TIAM1: variants seen among roughly 807,000 people sequenced by gnomAD.
The protein encoded by TIAM1 is TIAM Rac1 associated GEF 1, also known as rho guanine nucleotide exchange factor TIAM1.
Under a neutral mutation model 163.5 loss-of-function variants are expected in TIAM1, and 65 were observed. That is an observed-to-expected ratio of 0.40 (90% CI 0.33 to 0.49). The LOEUF (loss-of-function observed/expected upper bound fraction) is 0.49, where lower values mean the gene tolerates loss of function less well. TIAM1 is among the 20% of genes least tolerant of loss of function. The pLI is 0.77. For missense variants in TIAM1, 1,789 were observed against 2,044.7 expected (o/e 0.87, Z 2.41); for synonymous variants, 833 against 810.1 (o/e 1.03, Z -0.48).
At chr21:31,314,776 C>T (rs2075048049) in intron 2 of TIAM1, among the ~76,000 whole-genome samples, 1 of 152,122 alleles carries the variant, frequency 6.6e-6, no homozygotes, top group South Asian at 2.1e-4. Context: ...GTAGGGGTCA[C>T]ACAGACTTGC....
intron 2 of TIAM1, among the ~76,000 whole-genome samples, chr21:31,459,156 G>A (rs953657541): frequency 6.6e-6 from 1 of 152,284 alleles, no homozygotes; most frequent in East Asian, 1.9e-4. Flanking sequence ...GTCTTGTTCT[G>A]TCACCCAGGC....
At chr21:31,420,671 GAGT>G (rs370851646) in intron 2 of TIAM1, among the ~76,000 whole-genome samples, 2 of 152,286 alleles carry the variant, frequency 1.3e-5, no homozygotes, top group African/African-American at 4.8e-5. Flanking sequence ...TTGTCCAGCA[GAGT>G]AGAATTGCTT....
intron 2 of TIAM1, among the ~76,000 whole-genome samples, chr21:31,349,898 G>A (rs114850222): frequency 0.016 from 2,472 of 152,294 alleles, 70 homozygotes; most frequent in African/African-American, 0.055. Context: ...GGAATGCATG[G>A]GTTAACAGGC....
At chr21:31,430,225 A>ATATATAT (rs1177898443) in intron 2 of TIAM1, among the ~76,000 whole-genome samples, 2 of 90,278 alleles carry the variant, frequency 2.2e-5, no homozygotes, top group African/African-American at 5.8e-5. Context: ...AAAAAAAAAA[A>ATATATAT]ATATATATAT....
chr21:31,384,020 G>A (rs1244036413), intron 2 of TIAM1, among the ~76,000 whole-genome samples: 1 of 152,090 alleles, frequency 6.6e-6, no homozygotes, highest in Non-Finnish European at 1.5e-5. Context: ...CACCTCAGGA[G>A]CAATGCAAAT....
chr21:31,240,856 G>T (rs1181247403), intron 6 of TIAM1, among the ~76,000 whole-genome samples: 4 of 152,142 alleles, frequency 2.6e-5, no homozygotes, highest in Admixed American at 2.6e-4. Flanking sequence ...AATCTGGAAG[G>T]TCACTGATAC....
intron 16 of TIAM1, among the ~76,000 whole-genome samples, chr21:31,164,240 A>G (rs1156849897): frequency 6.6e-6 from 1 of 152,142 alleles, no homozygotes; most frequent in African/African-American, 2.4e-5. Context: ...AATACAAAAA[A>G]TTAGCAGGGC....
At chr21:31,443,081 T>C (rs1029113739) in intron 2 of TIAM1, among the ~76,000 whole-genome samples, 3 of 152,216 alleles carry the variant, frequency 2.0e-5, no homozygotes, top group Admixed American at 1.3e-4. Flanking sequence ...CGTATCTGCC[T>C]GAGAAGTAGA....
At chr21:31,258,003 C>T (rs2072220370) in intron 4 of TIAM1, among the ~76,000 whole-genome samples, 1 of 151,472 alleles carries the variant, frequency 6.6e-6, no homozygotes. Flanking sequence ...CCCCTCCTCT[C>T]CTTCCAAGTC....
At chr21:31,421,887 G>A (rs1330171353) in intron 2 of TIAM1, among the ~76,000 whole-genome samples, 1 of 152,116 alleles carries the variant, frequency 6.6e-6, no homozygotes, top group Non-Finnish European at 1.5e-5. Context: ...CTACTCGCGA[G>A]GCTGAAGCAG....
At chr21:31,338,131 A>T (rs549361585) in intron 2 of TIAM1, among the ~76,000 whole-genome samples, 3 of 152,302 alleles carry the variant, frequency 2.0e-5, no homozygotes, top group African/African-American at 7.2e-5. Flanking sequence ...CACTGTGTAC[A>T]TGCGGAGAAA....
chr21:31,304,777 C>A (rs1249303061), intron 2 of TIAM1, among the ~76,000 whole-genome samples: 1 of 152,196 alleles, frequency 6.6e-6, no homozygotes, highest in Non-Finnish European at 1.5e-5. Context: ...ACTGCAACCT[C>A]CGCCTCCTGG....
rs200697882 is a variant in TIAM1 at position 31,266,946 on chromosome 21, T to C, written c.27A>G (p.Val9=). 986 of 1,608,270 alleles carry C rather than the reference T, an allele frequency of 6.1e-4. 8 individuals carry two copies. The South Asian group carries it at 0.01, about 16-fold the overall frequency. The change falls in exon 4 of 28, where the codon GTA becomes GTG. Residue 9 remains valine (V), a synonymous_variant. Transcript: ENST00000541036. The stretch of plus-strand genomic sequence containing the variant: ...GCTTTTCTCCATAAAACTCGTGCTC[T>C]ACATGTTGACTTTCTGCGTTTCCCA... MGNAESQH[V]EHEFYGEKHA...
rs562502847 is a variant in TIAM1, at chr21:31,431,106, T to C, written c.-369+32877A>G. ...CTTCTGCATGTATGGGTCTCCTGGC[T>C]TGAAAATGCTTTCCTTCTCCCCCTT... On this transcript the variant is annotated intron_variant, in intron 2 of 28. Coordinates refer to the TIAM1 transcript ENST00000286827. Among the ~76,000 whole-genome samples the C allele has an allele frequency of 2.0e-5, 3 of 152,328 alleles. No individual in the cohort carries two copies. The South Asian group carries it at 6.2e-4, about 32-fold the overall frequency.
intron 19 of TIAM1, among the ~76,000 whole-genome samples, chr21:31,151,670 G>A (rs2083377586): frequency 6.6e-6 from 1 of 152,138 alleles, no homozygotes; most frequent in Non-Finnish European, 1.5e-5. Flanking sequence ...ATAGGGGTGT[G>A]TGTGTGTGAA....
At chr21:31,151,798 G>T (rs547198840) in intron 19 of TIAM1, among the ~76,000 whole-genome samples, 3 of 152,140 alleles carry the variant, frequency 2.0e-5, no homozygotes, top group Non-Finnish European at 4.4e-5. Flanking sequence ...AATGTGCTTT[G>T]TTAATTGGAG....
chr21:31,397,531 C>CAT (rs1218323912), intron 2 of TIAM1, among the ~76,000 whole-genome samples: 1 of 152,168 alleles, frequency 6.6e-6, no homozygotes, highest in African/African-American at 2.4e-5. Flanking sequence ...TCATGAAAAT[C>CAT]ACATTGACCA....
chr21:31,546,408 G>C (rs2048490195), intron 1 of TIAM1, among the ~76,000 whole-genome samples: 1 of 152,048 alleles, frequency 6.6e-6, no homozygotes, highest in South Asian at 2.1e-4. Flanking sequence ...AAATGAGCCA[G>C]GCATGGTGGC....
intron 1 of TIAM1, among the ~76,000 whole-genome samples, chr21:31,485,236 T>C (rs1259863839): frequency 6.6e-6 from 1 of 152,158 alleles, no homozygotes; most frequent in Non-Finnish European, 1.5e-5. Context: ...AACCAGGGCA[T>C]GCCTCACTCC....
Sources: gnomAD v4.1 joint callset for allele counts (sites outside exome capture counted in the v4.1 genomes callset) on GRCh38, gnomAD v4.1.1 for gene constraint, MANE v1.5 for transcripts, NCBI Gene and HGNC (gene_info 2026-07-23, HGNC 2026-07-21) for gene names.